Variants in KHK observed in about 807,000 individuals in gnomAD.
The protein encoded by KHK is fructokinase.
KHK carries 37 observed loss-of-function variants against 36.0 expected under a neutral mutation model. That is an observed-to-expected ratio of 1.03 (90% CI 0.79 to 1.35). The LOEUF (loss-of-function observed/expected upper bound fraction) is 1.35. KHK is among the 40% of genes most tolerant of loss of function. The pLI, the probability that KHK is intolerant of heterozygous loss-of-function variation, is 0.00. For synonymous variants in KHK, 161 were observed against 162.8 expected, an observed-to-expected ratio of 0.99 and a Z score of 0.08; for missense variants, 395 against 391.9, an observed-to-expected ratio of 1.01 and a Z score of -0.07.
chr2:27,094,346 T>A, intron 2 of KHK: 1 of 1,058,552 alleles, frequency 9.4e-7, no homozygotes, highest in Non-Finnish European at 1.4e-6. Context: ...AGACTGTGAT[T>A]CCCAGTTCTC....
At chr2:27,096,420 G>T (rs1670351848) in intron 3 of KHK, among the ~76,000 whole-genome samples, 1 of 152,116 alleles carries the variant, frequency 6.6e-6, no homozygotes, top group African/African-American at 2.4e-5. Context: ...GGAAGTGTAG[G>T]CTTGGCGCTC....
At position 27,100,533 on chromosome 2, in the gene KHK, T is replaced by A; in HGVS notation, c.*783T>A. 7.7e-7 allele frequency: 1 copy of A among 1,290,868 alleles called. No individual in the cohort carries two copies. The highest frequency in any genetic ancestry group is 1.0e-6 in the Non-Finnish European group (1 of 988,778). The allele number at this position is 1,290,868 out of a possible 1,614,324, so 80.0% of individuals were successfully genotyped here. On this transcript the variant is annotated 3_prime_UTR_variant, in exon 8 of 8. Transcript: ENST00000260598. ...AATTGGGGCCAACTCCAATATAGGG[T>A]GGGTAAGGCCTTATAATGTAAAGAG...
intron 2 of KHK, chr2:27,094,493 C>A (rs1473802896): frequency 1.9e-6 from 3 of 1,613,924 alleles, no homozygotes; most frequent in African/African-American, 1.3e-5. Flanking sequence ...CCTGGATGAC[C>A]TCCGCCGCTA....
intron 1 of KHK, among the ~76,000 whole-genome samples, chr2:27,090,843 G>A (rs1051780782): frequency 5.3e-5 from 8 of 151,792 alleles, no homozygotes; most frequent in African/African-American, 1.2e-4. Context: ...CGCTTGAGCC[G>A]AGGAGTTCGG....
chr2:27,091,417 T>TGCTCC (rs1177577615), intron 1 of KHK, among the ~76,000 whole-genome samples: 1 of 152,218 alleles, frequency 6.6e-6, no homozygotes, highest in East Asian at 1.9e-4. Context: ...AATGACATCG[T>TGCTCC]GCTCCCCTTT....
chr2:27,093,287 C>T (rs1179895860), intron 2 of KHK, among the ~76,000 whole-genome samples: 3 of 152,168 alleles, frequency 2.0e-5, no homozygotes, highest in Non-Finnish European at 2.9e-5. Flanking sequence ...AGAATCTGCC[C>T]TGTGAGATGG....
intron 5 of KHK, among the ~76,000 whole-genome samples, chr2:27,098,355 CTA>C (rs993410473): frequency 2.6e-5 from 4 of 151,530 alleles, no homozygotes; most frequent in African/African-American, 9.7e-5. Flanking sequence ...ACCCCTGTCT[CTA>C]TGAAAATAAA....
At chr2:27,099,171 C>A (rs200226155) in intron 5 of KHK, 25 bp from the exon 6 acceptor site, 6 of 1,611,190 alleles carry the variant, frequency 3.7e-6, no homozygotes, top group Non-Finnish European at 4.2e-6. Context: ...GAAGTGACCA[C>A]CAGCTTCTCT....
intron 1 of KHK, 37 bp from the exon 2 acceptor site, chr2:27,092,295 C>T (rs1187097876): frequency 6.6e-7 from 1 of 1,523,914 alleles, no homozygotes; most frequent in Non-Finnish European, 9.1e-7. Context: ...TGGGATCAGC[C>T]TGCTGGGGCT....
rs1362455889 is a variant in KHK at position 27,099,406 on chromosome 2, G to C, written c.654-14G>C. 6.2e-7 allele frequency: 1 copy of C among 1,612,970 alleles called. No individual in the cohort carries two copies. The highest frequency in any genetic ancestry group is 1.1e-5 in the South Asian group (1 of 91,072). ...GGGTGGGCTAACACCCAGCTGAGTGGAGCCGTCTTGCAGGGCTGTGCTTGT... is the reference window on the plus strand; with the variant it reads ...GGGTGGGCTAACACCCAGCTGAGTGCAGCCGTCTTGCAGGGCTGTGCTTGT... On this transcript the variant is annotated splice_polypyrimidine_tract_variant and intron_variant, in intron 6 of 7. Transcript: ENST00000260598.
rs57243176 is a variant in KHK, at chr2:27,090,852, G to A, written c.93-1480G>A. Among the ~76,000 whole-genome samples, 8 of 151,902 alleles carry A rather than the reference G, an allele frequency of 5.3e-5. 1 individual carries two copies. In the South Asian group the frequency reaches 8.3e-4, roughly 16 times the overall value. ...GAGGATCGCTTGAGCCGAGGAGTTCGGGACCAGCCTGGGCAACATAAGAAG... is the reference window on the plus strand; with the variant it reads ...GAGGATCGCTTGAGCCGAGGAGTTCAGGACCAGCCTGGGCAACATAAGAAG... On this transcript the variant is annotated intron_variant, in intron 1 of 7. Transcript: ENST00000260598.
At chr2:27,090,796 A>G (rs972962233) in intron 1 of KHK, among the ~76,000 whole-genome samples, 1 of 151,806 alleles carries the variant, frequency 6.6e-6, no homozygotes, top group African/African-American at 2.4e-5. Flanking sequence ...GCTCATACCT[A>G]TAATCCCAGC....
rs1185615995 is a variant in KHK at position 27,099,616 on chromosome 2, G to A, written c.811+39G>A. ...CAGGAGGGGAAAAGGACTGGGACCT[G>A]TCCCTGCCCCAAACACCTGGCTGAC... On this transcript the variant is annotated intron_variant, in intron 7 of 7. Transcript: ENST00000260598. The A allele has an allele frequency of 1.9e-6, 3 of 1,613,986 alleles. No homozygotes were observed. The Admixed American group carries it at 5.0e-5, about 27-fold the overall frequency.
intron 5 of KHK, chr2:27,098,778 A>T (rs1192126522): frequency 4.9e-6 from 1 of 202,102 alleles, no homozygotes; most frequent in African/African-American, 2.3e-5. Context: ...GCGGTGGTAG[A>T]TTCCACCCCA....
chr2:27,099,920 A>G lies in KHK; in HGVS notation c.*170A>G. On this transcript the variant is annotated 3_prime_UTR_variant, in exon 8 of 8. Coordinates refer to ENST00000260598, the MANE Select transcript of KHK (RefSeq NM_006488.3). Reference sequence around the variant, plus strand: ...CCCCACAGGGAGAGGCTCTGGGGGGATGGCTGGGGGATGCAGAGCCTCAGA... The same window carrying G: ...CCCCACAGGGAGAGGCTCTGGGGGGGTGGCTGGGGGATGCAGAGCCTCAGA... 3.5e-6 allele frequency: 5 copies of G among 1,448,230 alleles called. No individual in the cohort carries two copies. In the Admixed American group the frequency reaches 5.9e-5, roughly 17 times the overall value. 89.7% of individuals were successfully genotyped at this position (1,448,230 alleles called of 1,614,324 possible).
rs1572883914 is a variant in KHK at position 27,099,850 on chromosome 2, G to T, written c.*100G>T. 6.4e-7 allele frequency: 1 copy of T among 1,554,276 alleles called. No individual in the cohort carries two copies. The highest frequency in any genetic ancestry group is 8.7e-7 in the Non-Finnish European group (1 of 1,149,228). The stretch of plus-strand genomic sequence containing the variant: ...TGGCGTCCAGGTTGCCCTGTTCAGG[G>T]GACAGATGCAAGCTGTGGGGAGGAC... On this transcript the variant is annotated 3_prime_UTR_variant, in exon 8 of 8. Coordinates refer to ENST00000260598, the MANE Select transcript of KHK (RefSeq NM_006488.3).
In KHK at chr2:27,087,701, C is replaced by T. The variant is rs184950780; in HGVS notation, c.92+350C>T. Among the ~76,000 whole-genome samples the T allele has an allele frequency of 3.9e-5, 6 of 152,350 alleles. No homozygotes were observed. The East Asian group carries it at 1.2e-3, about 29-fold the overall frequency. On this transcript the variant is annotated intron_variant, in intron 1 of 7. Coordinates refer to ENST00000260598, the MANE Select transcript of KHK (RefSeq NM_006488.3). The stretch of plus-strand genomic sequence containing the variant: ...TCCAGGGGCACACAGCTACCTGCTT[C>T]TGCTGTTTCTTTTTAAACCCCAAGC...
rs766868467 is a variant in KHK at position 27,100,009 on chromosome 2, T to G, written c.*259T>G. 1.0e-3 allele frequency: 740 copies of G among 719,232 alleles called. 6 individuals are homozygous for G. The highest frequency in any genetic ancestry group is 2.5e-4 in the Non-Finnish European group (105 of 422,226). The allele number at this position is 719,232 out of a possible 1,614,324, so 44.6% of individuals were successfully genotyped here. On this transcript the variant is annotated 3_prime_UTR_variant, in exon 8 of 8. Coordinates refer to ENST00000260598, the MANE Select transcript of KHK (RefSeq NM_006488.3). ...TGTCTGAACTGCTCTGGCTGGGCAT[T>G]CCTGAGGCTCTGACTCTTCGATCCT...
chr2:27,087,355 G>A lies in KHK; in HGVS notation c.92+4G>A, dbSNP rs1347585936. Reference sequence around the variant, plus strand: ...CTAAGGAGGACTCGGAGATAAGGTAGGGGCGCCCAGGTCCCCTAGGGGACC... The same window carrying A: ...CTAAGGAGGACTCGGAGATAAGGTAAGGGCGCCCAGGTCCCCTAGGGGACC... On this transcript the variant is annotated splice_donor_region_variant and intron_variant, in intron 1 of 7. Transcript: ENST00000260598. 6.3e-7 allele frequency: 1 copy of A among 1,576,746 alleles called. No homozygotes were observed. The highest frequency in any genetic ancestry group is 8.6e-7 in the Non-Finnish European group (1 of 1,160,218).
Sources: gnomAD v4.1 joint callset for allele counts (sites outside exome capture counted in the v4.1 genomes callset) on GRCh38, gnomAD v4.1.1 for gene constraint, MANE v1.5 for transcripts, NCBI Gene and HGNC (gene_info 2026-07-23, HGNC 2026-07-21) for gene names.